PLXNC1: variants seen among roughly 807,000 people sequenced by gnomAD.
PLXNC1 encodes plexin C1.
Under a neutral mutation model 178.2 loss-of-function variants are expected in PLXNC1, and 75 were observed. The observed-to-expected ratio is 0.42, with a 90% CI of 0.35 to 0.51. The LOEUF is 0.51. PLXNC1 is among the 20% of genes least tolerant of loss of function. The probability of loss-of-function intolerance (pLI) is 0.02; values close to 1 mark genes in which losing one functional copy is unlikely to be tolerated. For synonymous variants in PLXNC1, 790 were observed against 779.9 expected (o/e 1.01, Z -0.22); for missense variants, 1,503 against 1,984.4 (o/e 0.76, Z 4.61).
In PLXNC1 at chr12:94,306,527, T is replaced by C. The variant is rs1273302373; in HGVS notation, c.*1242T>C. On this transcript the variant is annotated 3_prime_UTR_variant, in exon 31 of 31. Transcript: ENST00000258526. ...GACCAGTTTTAATACCACTGTGTTT[T>C]CCTTCTATTAAACCAGAAGAAGTAA... is the stretch of plus-strand genomic sequence containing the variant. 1 of 152,228 alleles carries C rather than the reference T, an allele frequency of 6.6e-6. No individual in the cohort carries two copies. The highest frequency in any genetic ancestry group is 1.5e-5 in the Non-Finnish European group (1 of 68,048). The allele number at this position is 152,228 out of a possible 1,614,324, so 9.4% of individuals were successfully genotyped here.
At chr12:94,181,603 G>C in intron 3 of PLXNC1, 23 bp downstream of exon 3, 1 of 1,569,670 alleles carries the variant, frequency 6.4e-7, no homozygotes, top group Non-Finnish European at 8.7e-7. Flanking sequence ...ACTAGTTATT[G>C]CTTCTGATTT....
At chr12:94,248,755 G>A (rs541505557) in intron 14 of PLXNC1, among the ~76,000 whole-genome samples, 11 of 152,174 alleles carry the variant, frequency 7.2e-5, no homozygotes, top group East Asian at 5.8e-4. Flanking sequence ...TCTCAAATGC[G>A]GAGGTGACAT....
chr12:94,279,414 A>G (rs1966256218), intron 21 of PLXNC1, 58 bp from the exon 22 acceptor site: 1 of 1,489,862 alleles, frequency 6.7e-7, no homozygotes, highest in African/African-American at 1.4e-5. Context: ...TCTTTTATGA[A>G]ATGCCTTTCA....
chr12:94,279,742 A>C lies in PLXNC1; in HGVS notation c.3775+93A>C, dbSNP rs570819408. Reference sequence around the variant, plus strand: ...CCTGTCCCCCCTCCCTGCCCCCACCAGCTTCCATTCAGTGACACTTACACA... The same window carrying C: ...CCTGTCCCCCCTCCCTGCCCCCACCCGCTTCCATTCAGTGACACTTACACA... On this transcript the variant is annotated intron_variant, in intron 22 of 30. Transcript: ENST00000258526. The C allele has an allele frequency of 3.9e-4, 420 of 1,088,808 alleles. 4 individuals carry two copies. The African/African-American group carries it at 6.5e-3, about 17-fold the overall frequency. The allele number at this position is 1,088,808 out of a possible 1,614,324, so 67.4% of individuals were successfully genotyped here. A position where few individuals can be genotyped will look rare whatever the true frequency, so the allele number is the denominator to read the frequency against.
chr12:94,233,899 T>C (rs988705564), intron 9 of PLXNC1, among the ~76,000 whole-genome samples: 12 of 152,178 alleles, frequency 7.9e-5, no homozygotes, highest in African/African-American at 2.9e-4. Context: ...TTAATAAAGA[T>C]GTTAAATAAT....
Position 94,202,680 on chromosome 12 carries a change from CCTGTTTGCCCTGT to C in PLXNC1, c.1440-6909_1440-6897del, listed in dbSNP as rs551985332. 4.8e-4 allele frequency among the ~76,000 whole-genome samples: 73 copies of C among 152,298 alleles called. No homozygotes were observed. In the South Asian group the frequency reaches 5.4e-3, roughly 11 times the overall value. ...ATGGCACACGCTCGGGAGGGCCTGG[CCTGTTTGCCCTGT>C]ATGTGTTTATCAAATGCCTGCTCTC... On this transcript the variant is annotated intron_variant, in intron 4 of 30. Coordinates refer to ENST00000258526, the MANE Select transcript of PLXNC1 (RefSeq NM_005761.3).
chr12:94,248,621 G>T lies in PLXNC1; in HGVS notation c.2778+209G>T, dbSNP rs566081766. Among the ~76,000 whole-genome samples the T allele has an allele frequency of 6.6e-5, 10 of 152,306 alleles. No homozygotes were observed. In the South Asian group the frequency reaches 1.7e-3, roughly 25 times the overall value. On this transcript the variant is annotated intron_variant, in intron 14 of 30. Coordinates refer to ENST00000258526, the MANE Select transcript of PLXNC1 (RefSeq NM_005761.3). ...CCTGTGCCTGTTCGAACGTCAAAGCGTTGGACACACCATTGTCTATAATCC... is the reference window on the plus strand; with the variant it reads ...CCTGTGCCTGTTCGAACGTCAAAGCTTTGGACACACCATTGTCTATAATCC...
intron 21 of PLXNC1, chr12:94,277,780 G>A (rs966328798): frequency 1.3e-4 from 47 of 362,806 alleles, no homozygotes; most frequent in African/African-American, 7.2e-4. Context: ...TTTTATTGCC[G>A]ATACTATCAT....
chr12:94,223,513 T>C (rs570018568), intron 6 of PLXNC1, among the ~76,000 whole-genome samples: 20 of 152,288 alleles, frequency 1.3e-4, no homozygotes, highest in African/African-American at 4.8e-4. Context: ...ATCTATAGCT[T>C]TGTAAATTTC....
In PLXNC1 at chr12:94,148,982, C is replaced by G. The variant is rs2135908452; in HGVS notation, c.11C>G (p.Ser4Cys). The G allele has an allele frequency of 7.0e-7, 1 of 1,434,292 alleles. No homozygotes were observed. The highest frequency in any genetic ancestry group is 3.0e-5 in the East Asian group (1 of 33,698). 88.8% of individuals were successfully genotyped at this position (1,434,292 alleles called of 1,614,324 possible). The change falls in exon 1 of 31, where the codon TCC (serine) becomes TGC (cysteine). Residue 4 changes from serine (S) to cysteine (C), a missense_variant. Ser to Cys is a moderately radical substitution (Grantham distance 112). Transcript: ENST00000258526. This position sits in a 1 kb window ranked among gnomAD's most constrained non-coding sequence, Gnocchi z 4.8. ...GGCCCCCCCAGCCCCATGGAGGTCT[C>G]CCGGAGGAAGGCGCCGCCGCGCCCC... is the stretch of plus-strand genomic sequence containing the variant. MEV[S>C]RRKAPPRPPR...
intron 3 of PLXNC1, 58 bp from the exon 4 acceptor site, chr12:94,186,315 G>C: frequency 8.1e-7 from 1 of 1,228,314 alleles, no homozygotes. Flanking sequence ...ATAAGGTGTT[G>C]TAGTTTTCCT....
chr12:94,297,498 A>C, intron 26 of PLXNC1, 75 bp downstream of exon 26: 1 of 1,031,724 alleles, frequency 9.7e-7, no homozygotes, highest in Non-Finnish European at 1.5e-6. Flanking sequence ...TTTCCACTGA[A>C]GTGTGAAAAT....
chr12:94,243,404 A>C (rs2291328), intron 11 of PLXNC1, among the ~76,000 whole-genome samples: 17,354 of 152,242 alleles, frequency 0.11, 1,151 homozygotes, highest in East Asian at 0.26. Flanking sequence ...GAGAGATGGA[A>C]TGCAGCTGTT....
chr12:94,195,792 G>A (rs1030642496), intron 4 of PLXNC1, among the ~76,000 whole-genome samples: 3 of 152,154 alleles, frequency 2.0e-5, no homozygotes, highest in African/African-American at 7.2e-5. Flanking sequence ...AGGGCCCTGT[G>A]GTCAGTCTTC....
chr12:94,285,800 T>C (rs1253729186), intron 23 of PLXNC1, among the ~76,000 whole-genome samples: 1 of 152,154 alleles, frequency 6.6e-6, no homozygotes, highest in Non-Finnish European at 1.5e-5. Context: ...CAGGCTTGTC[T>C]TGATGAGTTA....
At chr12:94,185,734 G>A (rs377190003) in intron 3 of PLXNC1, among the ~76,000 whole-genome samples, 4 of 152,314 alleles carry the variant, frequency 2.6e-5, no homozygotes, top group Admixed American at 2.0e-4. Context: ...GGAGGGCCTC[G>A]TCCCTGGTCC....
intron 22 of PLXNC1, among the ~76,000 whole-genome samples, chr12:94,281,021 G>A (rs760813515): frequency 3.4e-4 from 52 of 152,312 alleles, no homozygotes; most frequent in Admixed American, 2.1e-3. Flanking sequence ...GCTCACGCCT[G>A]TAATCCCAGC....
At chr12:94,171,589 C>T (rs1455526322) in intron 2 of PLXNC1, among the ~76,000 whole-genome samples, 1 of 152,148 alleles carries the variant, frequency 6.6e-6, no homozygotes, top group African/African-American at 2.4e-5. Context: ...CACTAAGATC[C>T]CCTATGCTGC....
intron 15 of PLXNC1, among the ~76,000 whole-genome samples, chr12:94,252,555 T>G (rs1013701469): frequency 6.6e-6 from 1 of 152,352 alleles, no homozygotes; most frequent in East Asian, 1.9e-4. Flanking sequence ...TCCACCAATA[T>G]ATTTTGTTTT....
Sources: allele counts gnomAD v4.1 joint callset (sites outside exome capture counted in the v4.1 genomes callset), GRCh38; gene constraint gnomAD v4.1.1; non-coding constraint Gnocchi (gnomAD v3.1); transcripts MANE v1.5; gene names NCBI Gene and HGNC (gene_info 2026-07-23, HGNC 2026-07-21).